The following KCNIP4 variants were observed in gnomAD, a reference collection of about 807,000 sequenced individuals.
The protein encoded by KCNIP4 is potassium voltage-gated channel interacting protein 4, also known as Kv channel-interacting protein 4.
KCNIP4 carries 12 observed loss-of-function variants against 34.0 expected under a neutral mutation model. The ratio of observed to expected loss-of-function variants is 0.35; its 90% confidence interval spans 0.23 to 0.57. The LOEUF (loss-of-function observed/expected upper bound fraction) is 0.57. KCNIP4 is among the 20% of genes least tolerant of loss of function. The pLI, the probability that KCNIP4 is intolerant of heterozygous loss-of-function variation, is 0.83. For missense variants in KCNIP4, 238 were observed against 311.7 expected (o/e 0.76, Z 1.78); for synonymous variants, 124 against 102.2 (o/e 1.21, Z -1.29).
At position 21,424,578 on chromosome 4, in the gene KCNIP4, G is replaced by GGAAA. The variant is rs148701174; in HGVS notation, c.61+523989_61+523992dup. 2.1e-4 allele frequency among the ~76,000 whole-genome samples: 31 copies of GGAAA among 148,786 alleles called. No individual in the cohort carries two copies. In the East Asian group the frequency reaches 2.8e-3, roughly 13 times the overall value. ...AGATCAAGACTCTGTCTGAAAAAGAGGAAAGAAAGAAAGAAAGAAAGAGAG... is the reference window on the plus strand; with the variant it reads ...AGATCAAGACTCTGTCTGAAAAAGAGGAAAGAAAGAAAGAAAGAAAGAAAGAGAG... On this transcript the variant is annotated intron_variant, in intron 1 of 8. Transcript: ENST00000382152.
intron 3 of KCNIP4, among the ~76,000 whole-genome samples, chr4:20,804,423 C>T (rs933865748): frequency 2.6e-5 from 4 of 152,154 alleles, no homozygotes; most frequent in African/African-American, 9.7e-5. Context: ...ATTTTAAGGT[C>T]ATAGGCTGAA....
At chr4:20,951,362 C>G (rs1233703178) in intron 1 of KCNIP4, among the ~76,000 whole-genome samples, 1 of 152,100 alleles carries the variant, frequency 6.6e-6, no homozygotes, top group African/African-American at 2.4e-5. Context: ...CCAGGAAATT[C>G]TAAATATTTT....
chr4:21,726,565 G>T (rs1433827443), intron 1 of KCNIP4, among the ~76,000 whole-genome samples: 1 of 152,196 alleles, frequency 6.6e-6, no homozygotes, highest in Admixed American at 6.5e-5. Context: ...ATTTAGGCCA[G>T]CAACAATTTG....
At chr4:21,524,026 A>G (rs1021894420) in intron 1 of KCNIP4, among the ~76,000 whole-genome samples, 9 of 151,986 alleles carry the variant, frequency 5.9e-5, no homozygotes, top group African/African-American at 2.2e-4. Context: ...CATTTTTTCC[A>G]TCCTGTGAAG....
intron 1 of KCNIP4, among the ~76,000 whole-genome samples, chr4:20,969,782 A>G: frequency 8.9e-6 from 1 of 112,682 alleles, no homozygotes; most frequent in East Asian, 2.4e-4. Context: ...TAATATAGGT[A>G]TTAATTTATG....
chr4:21,170,076 A>C (rs1054747174), intron 1 of KCNIP4, among the ~76,000 whole-genome samples: 1 of 152,168 alleles, frequency 6.6e-6, no homozygotes, highest in African/African-American at 2.4e-5. Flanking sequence ...CTTGAGATTA[A>C]AGTGCATTCA....
chr4:21,808,478 G>T (rs927679881), intron 1 of KCNIP4, among the ~76,000 whole-genome samples: 2 of 151,962 alleles, frequency 1.3e-5, no homozygotes, highest in Middle Eastern at 3.4e-3. Context: ...TTACTTCATT[G>T]TAAGAATACA....
chr4:21,653,916 A>T (rs1747705621), intron 1 of KCNIP4, among the ~76,000 whole-genome samples: 1 of 152,172 alleles, frequency 6.6e-6, no homozygotes, highest in Non-Finnish European at 1.5e-5. Flanking sequence ...CTTAGATGAC[A>T]TGTCACACCT....
At chr4:21,747,552 G>A (rs934276995) in intron 1 of KCNIP4, among the ~76,000 whole-genome samples, 6 of 152,010 alleles carry the variant, frequency 3.9e-5, no homozygotes, top group African/African-American at 1.4e-4. Flanking sequence ...TTACTTTTTG[G>A]TAAAATACCA....
chr4:21,682,376 G>A (rs1750431953), intron 1 of KCNIP4, among the ~76,000 whole-genome samples: 1 of 152,148 alleles, frequency 6.6e-6, no homozygotes. Context: ...TATCCAAACT[G>A]TATCAGAGAC....
chr4:21,818,942 C>A lies in KCNIP4; in HGVS notation c.61+129629G>T, dbSNP rs116621970. Reference sequence around the variant, plus strand: ...GAACCAGTTTCACATTGCAGCCAGGCAAACAGCTTAAAAGATGCAAAAGAC... The same window carrying A: ...GAACCAGTTTCACATTGCAGCCAGGAAAACAGCTTAAAAGATGCAAAAGAC... On this transcript the variant is annotated intron_variant, in intron 1 of 8. Coordinates refer to ENST00000382152, the MANE Select transcript of KCNIP4 (RefSeq NM_025221.6). Among the ~76,000 whole-genome samples, 617 of 152,202 alleles carry A rather than the reference C, an allele frequency of 4.1e-3. 4 individuals are homozygous for A. The highest frequency in any genetic ancestry group is 0.014 in the African/African-American group (583 of 41,542).
chr4:21,935,826 G>A (rs993346561), intron 1 of KCNIP4, among the ~76,000 whole-genome samples: 1 of 152,032 alleles, frequency 6.6e-6, no homozygotes, highest in Non-Finnish European at 1.5e-5. Context: ...CACTTCATAT[G>A]CATTAATTCA....
At chr4:20,982,274 G>A (rs1044139079) in intron 1 of KCNIP4, among the ~76,000 whole-genome samples, 12 of 152,176 alleles carry the variant, frequency 7.9e-5, no homozygotes, top group Admixed American at 3.3e-4. Context: ...CACTGAAGTT[G>A]GGGGCTGTGG....
chr4:21,741,142 G>A (rs1008259559), intron 1 of KCNIP4, among the ~76,000 whole-genome samples: 1 of 152,040 alleles, frequency 6.6e-6, no homozygotes, highest in African/African-American at 2.4e-5. Context: ...TGTAATGCTG[G>A]CTTATAGCAT....
At position 21,598,027 on chromosome 4, in the gene KCNIP4, G is replaced by A. The variant is rs183658593; in HGVS notation, c.61+350544C>T. Among the ~76,000 whole-genome samples the A allele has an allele frequency of 2.2e-4, 34 of 152,134 alleles. No homozygotes were observed. The East Asian group carries it at 5.2e-3, about 23-fold the overall frequency. On this transcript the variant is annotated intron_variant, in intron 1 of 8. Coordinates refer to ENST00000382152, the MANE Select transcript of KCNIP4 (RefSeq NM_025221.6). Reference sequence around the variant, plus strand: ...TTGGGAGGGTAAATTATTTCGGTACGTCTGAAAAATTCAGAAAGCTGTAAA... The same window carrying A: ...TTGGGAGGGTAAATTATTTCGGTACATCTGAAAAATTCAGAAAGCTGTAAA...
intron 1 of KCNIP4, among the ~76,000 whole-genome samples, chr4:21,551,993 A>G (rs1738619262): frequency 6.6e-6 from 1 of 151,388 alleles, no homozygotes; most frequent in South Asian, 2.1e-4. Context: ...GTCCAGTTAT[A>G]TCTAGGTTAT....
chr4:21,054,755 A>G (rs996476146), intron 1 of KCNIP4, among the ~76,000 whole-genome samples: 12 of 151,138 alleles, frequency 7.9e-5, no homozygotes, highest in African/African-American at 2.9e-4. Context: ...TATACTCTTC[A>G]CAAAATTAAC....
chr4:21,121,120 C>G (rs1344362941), intron 1 of KCNIP4, among the ~76,000 whole-genome samples: 1 of 152,196 alleles, frequency 6.6e-6, no homozygotes, highest in Admixed American at 6.5e-5. Flanking sequence ...AATTCTCCAG[C>G]AAAACCGGCT....
At chr4:21,510,368 A>G (rs1364688381) in intron 1 of KCNIP4, among the ~76,000 whole-genome samples, 1 of 152,192 alleles carries the variant, frequency 6.6e-6, no homozygotes, top group Non-Finnish European at 1.5e-5. Context: ...TTTATTGATC[A>G]ATACAAAGGT....
Sources: allele counts gnomAD v4.1 joint callset (sites outside exome capture counted in the v4.1 genomes callset), GRCh38; gene constraint gnomAD v4.1.1; transcripts MANE v1.5; gene names NCBI Gene and HGNC (gene_info 2026-07-23, HGNC 2026-07-21).